The following ANXA4 variants were observed in gnomAD, a reference collection of about 807,000 sequenced individuals.
The protein encoded by ANXA4 is annexin A4.
A neutral mutation model predicts 49.8 loss-of-function variants in ANXA4; 39 were observed. The ratio of observed to expected loss-of-function variants is 0.78; its 90% CI spans 0.61 to 1.02. The LOEUF is 1.02. ANXA4 is among the 50% of genes least tolerant of loss of function. ANXA4 has a pLI of 0.00. For missense variants in ANXA4, 360 were observed against 410.1 expected, an observed-to-expected ratio of 0.88 and a Z score of 1.05; for synonymous variants, 134 against 152.5, an observed-to-expected ratio of 0.88 and a Z score of 0.89.
intron 1 of ANXA4, among the ~76,000 whole-genome samples, chr2:69,753,452 G>T (rs1031832438): frequency 6.6e-6 from 1 of 152,178 alleles, no homozygotes; most frequent in Non-Finnish European, 1.5e-5. Flanking sequence ...TGACTTTTGT[G>T]TACTTTTGAA....
At chr2:69,769,306 G>A (rs1490947569) in intron 1 of ANXA4, among the ~76,000 whole-genome samples, 7 of 152,098 alleles carry the variant, frequency 4.6e-5, no homozygotes, top group Non-Finnish European at 8.8e-5. Flanking sequence ...GTTATAAAAT[G>A]TAGATATTTA....
intron 1 of ANXA4, among the ~76,000 whole-genome samples, chr2:69,651,468 A>G (rs548805087): frequency 2.6e-4 from 39 of 152,030 alleles, no homozygotes; most frequent in African/African-American, 8.7e-4. Context: ...TATACTTCAT[A>G]TATTACCTGT....
At chr2:69,676,599 T>C (rs781359625) in intron 2 of ANXA4, among the ~76,000 whole-genome samples, 12 of 152,116 alleles carry the variant, frequency 7.9e-5, no homozygotes, top group Non-Finnish European at 1.6e-4. Flanking sequence ...AAGTATAAAT[T>C]AAAAACCATC....
At chr2:69,738,265 T>C (rs1187907049), upstream of ANXA4, among the ~76,000 whole-genome samples, 2 of 152,084 alleles carry the variant, frequency 1.3e-5, no homozygotes, top group African/African-American at 4.8e-5. Context: ...TCCAGTTTCA[T>C]TGCATAAATG....
At chr2:69,754,910 G>A (rs930201344) in intron 1 of ANXA4, among the ~76,000 whole-genome samples, 3 of 152,278 alleles carry the variant, frequency 2.0e-5, no homozygotes, top group Non-Finnish European at 2.9e-5. Context: ...CTTTGGAAGT[G>A]AGAAGGTAGA....
chr2:69,660,932 C>A (rs1676692987), intron 2 of ANXA4, among the ~76,000 whole-genome samples: 1 of 152,096 alleles, frequency 6.6e-6, no homozygotes, highest in Admixed American at 6.6e-5. Context: ...AGATGTAACT[C>A]TTCAGATTCC....
At chr2:69,766,198 T>A (rs1671487492) in intron 1 of ANXA4, among the ~76,000 whole-genome samples, 1 of 152,192 alleles carries the variant, frequency 6.6e-6, no homozygotes, top group South Asian at 2.1e-4. Flanking sequence ...ACAGATGTTT[T>A]TCATGTGGGT....
chr2:69,679,106 A>G (rs565922379), intron 2 of ANXA4, among the ~76,000 whole-genome samples: 1 of 152,046 alleles, frequency 6.6e-6, no homozygotes, highest in African/African-American at 2.4e-5. Flanking sequence ...AGTATATGTA[A>G]TATTTTGTGG....
intron 2 of ANXA4, among the ~76,000 whole-genome samples, chr2:69,704,137 A>G (rs1391895047): frequency 6.6e-6 from 1 of 152,180 alleles, no homozygotes; most frequent in East Asian, 1.9e-4. Flanking sequence ...CATTGAATTG[A>G]TAGATTAAAT....
chr2:69,660,671 C>A (rs910565181), intron 2 of ANXA4, among the ~76,000 whole-genome samples: 1 of 150,910 alleles, frequency 6.6e-6, no homozygotes, highest in African/African-American at 2.4e-5. Flanking sequence ...ACATAATCAC[C>A]AAAATTTAAA....
chr2:69,761,864 G>A (rs1376639498), intron 1 of ANXA4, among the ~76,000 whole-genome samples: 1 of 151,076 alleles, frequency 6.6e-6, no homozygotes, highest in Admixed American at 6.6e-5. Flanking sequence ...ACTCAAACTT[G>A]TGCTGTCTGT....
intron 3 of ANXA4, among the ~76,000 whole-genome samples, chr2:69,790,921 T>C (rs1348135771): frequency 1.3e-5 from 2 of 152,206 alleles, no homozygotes; most frequent in African/African-American, 4.8e-5. Context: ...TCATTTTTGT[T>C]AAAAATAATC....
At chr2:69,712,097 C>A (rs1222588769) in intron 2 of ANXA4, among the ~76,000 whole-genome samples, 1 of 151,958 alleles carries the variant, frequency 6.6e-6, no homozygotes, top group Admixed American at 6.6e-5. Flanking sequence ...GTAACTATTG[C>A]GTGCTTCCAA....
intron 12 of ANXA4, among the ~76,000 whole-genome samples, chr2:69,823,658 C>A (rs1674341306): frequency 6.6e-6 from 1 of 152,080 alleles, no homozygotes; most frequent in Non-Finnish European, 1.5e-5. Flanking sequence ...CAATTCACAG[C>A]AAAGATTAAA....
intron 9 of ANXA4, 72 bp from the exon 10 acceptor site, chr2:69,818,527 C>A: frequency 1.0e-6 from 1 of 958,870 alleles, no homozygotes; most frequent in Non-Finnish European, 1.6e-6. Flanking sequence ...GTTAAAAATG[C>A]TCATTCTCTC....
intron 3 of ANXA4, among the ~76,000 whole-genome samples, chr2:69,736,963 G>A (rs1670260932): frequency 6.7e-6 from 1 of 150,368 alleles, no homozygotes; most frequent in South Asian, 2.1e-4. Context: ...CACCACGCTT[G>A]GCTAATTTTT....
rs1573288773 is a variant in ANXA4, at chr2:69,802,441, A to G, written c.98-2092A>G. On this transcript the variant is annotated intron_variant, in intron 3 of 12. Coordinates refer to ENST00000394295, the MANE Select transcript of ANXA4 (RefSeq NM_001153.5). ...AAATCAAAGCTATTGGGCTGGGTGC[A>G]GTGGCTCACGCCTGTAATCCCAGCA... Among the ~76,000 whole-genome samples, 4 of 152,322 alleles carry G rather than the reference A, an allele frequency of 2.6e-5. No individual in the cohort carries two copies. The Middle Eastern group carries it at 0.014, about 518-fold the overall frequency.
At chr2:69,803,701 C>T (rs1002438753) in intron 3 of ANXA4, among the ~76,000 whole-genome samples, 38 of 152,136 alleles carry the variant, frequency 2.5e-4, no homozygotes, top group African/African-American at 9.2e-4. Context: ...CCAACTTAAA[C>T]TCTGCAAAAT....
intron 1 of ANXA4, among the ~76,000 whole-genome samples, chr2:69,751,299 A>G (rs954451966): frequency 3.3e-5 from 5 of 152,072 alleles, no homozygotes; most frequent in Admixed American, 1.3e-4. Flanking sequence ...GGATTGCCTG[A>G]GCTCAGGGGT....
Sources: gnomAD v4.1 joint callset for allele counts (sites outside exome capture counted in the v4.1 genomes callset) on GRCh38, gnomAD v4.1.1 for gene constraint, MANE v1.5 for transcripts, NCBI Gene and HGNC (gene_info 2026-07-23, HGNC 2026-07-21) for gene names.